Variants in FHAD1 observed in about 807,000 individuals in gnomAD.
FHAD1 encodes the protein forkhead associated phosphopeptide binding domain 1.
A neutral mutation model predicts 191.3 loss-of-function variants in FHAD1; 146 were observed. The ratio of observed to expected loss-of-function variants is 0.76; its 90% CI spans 0.67 to 0.88. The LOEUF is 0.88. Among genes scored for constraint, FHAD1 ranks in the 40% least tolerant of loss-of-function variants. The pLI is 0.00. For missense variants in FHAD1, 1,635 were observed against 1,785.8 expected (o/e 0.92, Z 1.52); for synonymous variants, 616 against 672.3 (o/e 0.92, Z 1.29).
At chr1:15,265,834 G>A (rs1557951988) in intron 2 of FHAD1, among the ~76,000 whole-genome samples, 1 of 151,808 alleles carries the variant, frequency 6.6e-6, no homozygotes, top group African/African-American at 2.4e-5. Flanking sequence ...AGCTGGATGT[G>A]GTGGTGTGCC....
chr1:15,300,860 G>C (rs1668486539), intron 5 of FHAD1, among the ~76,000 whole-genome samples: 1 of 151,906 alleles, frequency 6.6e-6, no homozygotes, highest in Admixed American at 6.6e-5. Context: ...AGACAGTTTT[G>C]CTCTTGTTGC....
intron 3 of FHAD1, among the ~76,000 whole-genome samples, chr1:15,285,305 G>T (rs1049853006): frequency 7.9e-5 from 12 of 152,346 alleles, no homozygotes; most frequent in African/African-American, 2.6e-4. Context: ...GCCAAGGCGG[G>T]TGGATCATCT....
chr1:15,358,618 T>C (rs1693628969), intron 21 of FHAD1, among the ~76,000 whole-genome samples: 1 of 152,210 alleles, frequency 6.6e-6, no homozygotes, highest in Admixed American at 6.5e-5. Flanking sequence ...CTCTGCACGG[T>C]GTTCTGAGAT....
At chr1:15,251,296 CA>C (rs1646751125) in intron 1 of FHAD1, among the ~76,000 whole-genome samples, 1 of 42,524 alleles carries the variant, frequency 2.4e-5, no homozygotes, top group Non-Finnish European at 4.3e-5. Flanking sequence ...CAAAAAAAAC[CA>C]CCCATTTTAT....
downstream of FHAD1, among the ~76,000 whole-genome samples, chr1:15,401,923 GT>G (rs913569894): frequency 1.8e-4 from 27 of 152,182 alleles, no homozygotes; most frequent in African/African-American, 6.3e-4. Flanking sequence ...GCCTGCTTTT[GT>G]TTTTAAACAT....
At chr1:15,293,818 T>C (rs1665954279) in intron 4 of FHAD1, among the ~76,000 whole-genome samples, 1 of 152,208 alleles carries the variant, frequency 6.6e-6, no homozygotes, top group African/African-American at 2.4e-5. Context: ...ATTCGTCCAT[T>C]GGTAGACACA....
chr1:15,352,403 T>C (rs1341094581), intron 19 of FHAD1, among the ~76,000 whole-genome samples: 1 of 152,148 alleles, frequency 6.6e-6, no homozygotes, highest in Non-Finnish European at 1.5e-5. Context: ...AACCCATGGC[T>C]TTGTAGACTG....
At chr1:15,383,371 G>A (rs551812973) in intron 31 of FHAD1, 1 of 411,452 alleles carries the variant, frequency 2.4e-6, no homozygotes, top group East Asian at 7.1e-5. Context: ...CATGACCCAT[G>A]CTGCCCGTGA....
chr1:15,358,695 G>A (rs1228464112), intron 21 of FHAD1, among the ~76,000 whole-genome samples: 6 of 152,174 alleles, frequency 3.9e-5, no homozygotes, highest in South Asian at 2.1e-4. Flanking sequence ...GATGAGTGAC[G>A]ATTCCACAGG....
intron 4 of FHAD1, among the ~76,000 whole-genome samples, chr1:15,290,221 G>A (rs1219170189): frequency 6.6e-6 from 1 of 152,034 alleles, no homozygotes; most frequent in African/African-American, 2.4e-5. Context: ...GGTCACTCTG[G>A]GACACACACA....
intron 18 of FHAD1, among the ~76,000 whole-genome samples, chr1:15,348,278 A>G (rs1689628864): frequency 6.6e-6 from 1 of 152,228 alleles, no homozygotes; most frequent in Admixed American, 6.5e-5. Context: ...AGTGGTTATA[A>G]TGGAAACCAT....
At chr1:15,345,757 G>A (rs1283595387) in intron 18 of FHAD1, among the ~76,000 whole-genome samples, 1 of 152,108 alleles carries the variant, frequency 6.6e-6, no homozygotes, top group Non-Finnish European at 1.5e-5. Context: ...AACACAGTCA[G>A]AGAGAGAGAG....
chr1:15,345,226 C>T, intron 17 of FHAD1, 36 bp downstream of exon 17: 2 of 1,512,636 alleles, frequency 1.3e-6, no homozygotes, highest in East Asian at 2.5e-5. Context: ...AGCTCGAGCC[C>T]CACTGCAGCT....
chr1:15,398,632 C>T (rs895637833), downstream of FHAD1, among the ~76,000 whole-genome samples: 2 of 152,114 alleles, frequency 1.3e-5, no homozygotes, highest in African/African-American at 4.8e-5. Flanking sequence ...CCCCAGTCAC[C>T]AAAGAGCACA....
chr1:15,397,265 A>G lies in FHAD1; in HGVS notation c.4324-32A>G, dbSNP rs1027161869. 2.8e-6 allele frequency: 3 copies of G among 1,056,536 alleles called. No homozygotes were observed. In the African/African-American group the frequency reaches 4.7e-5, roughly 17 times the overall value. 65.4% of individuals were successfully genotyped at this position (1,056,536 alleles called of 1,614,324 possible). A position where few individuals can be genotyped will look rare whatever the true frequency, so the allele number is the denominator to read the frequency against. On this transcript the variant is annotated intron_variant, in intron 33 of 33. Transcript: ENST00000688493. ...AACAATTGGAGTCTTGCTGCAATGG[A>G]GTTTGTGTGTTTTTTCTCTTGCTTG...
intron 4 of FHAD1, among the ~76,000 whole-genome samples, chr1:15,296,447 G>T (rs1158510472): frequency 6.6e-6 from 1 of 152,162 alleles, no homozygotes; most frequent in Non-Finnish European, 1.5e-5. Flanking sequence ...TAGAGATGGG[G>T]TTTCACCATG....
At chr1:15,247,830 A>T (rs1024557889) in intron 1 of FHAD1, among the ~76,000 whole-genome samples, 1 of 152,146 alleles carries the variant, frequency 6.6e-6, no homozygotes, top group Non-Finnish European at 1.5e-5. Context: ...CCTCAACAGA[A>T]ATTTTGCTTC....
rs567347288 is a variant in FHAD1, at chr1:15,377,551, A to G, written c.3705+1821A>G. 6.6e-5 allele frequency among the ~76,000 whole-genome samples: 10 copies of G among 152,340 alleles called. No individual in the cohort carries two copies. The South Asian group carries it at 1.5e-3, about 22-fold the overall frequency. ...CACTGGCAGCAATTCAAATTAAGAT[A>G]AAGGGGCCAAGCACAGTGGCTCATG... On this transcript the variant is annotated intron_variant, in intron 28 of 33. Coordinates refer to ENST00000688493, the MANE Select transcript of FHAD1 (RefSeq NM_001391957.1).
At position 15,381,187 on chromosome 1, in the gene FHAD1, C is replaced by A. The variant is rs1406788868; in HGVS notation, c.3802-44C>A. The A allele has an allele frequency of 7.3e-7, 1 of 1,371,142 alleles. No homozygotes were observed. Among genetic ancestry groups the A allele is most frequent in the Non-Finnish European group, 1.0e-6 (1 of 988,744 alleles). 84.9% of individuals were successfully genotyped at this position (1,371,142 alleles called of 1,614,324 possible). A position where few individuals can be genotyped will look rare whatever the true frequency, so the allele number is the denominator to read the frequency against. ...TTGGCCTCCTTAAAGCGGCCACCAG[C>A]GGCCGCGGGTAATGCCTCTTATGCG... On this transcript the variant is annotated intron_variant, in intron 29 of 33. Transcript: ENST00000688493. The surrounding 1 kb of genome is among the most constrained non-coding windows in gnomAD (Gnocchi z 4.6).
Sources: gnomAD v4.1 joint callset for allele counts (sites outside exome capture counted in the v4.1 genomes callset) on GRCh38, gnomAD v4.1.1 for gene constraint, Gnocchi (gnomAD v3.1) non-coding constraint, MANE v1.5 for transcripts, NCBI Gene and HGNC (gene_info 2026-07-23, HGNC 2026-07-21) for gene names.